The following PCDHGA7 variants were observed in gnomAD, a reference collection of about 807,000 sequenced individuals.
PCDHGA7 encodes protocadherin gamma-A7.
PCDHGA7 carries 44 observed loss-of-function variants against 58.3 expected under a neutral mutation model. The observed-to-expected ratio is 0.75, with a 90% CI of 0.59 to 0.97. PCDHGA7 has a LOEUF of 0.97. PCDHGA7 is among the 50% of genes least tolerant of loss of function. The pLI is 0.00. For missense variants in PCDHGA7, 1,266 were observed against 1,188.7 expected (o/e 1.06, Z -0.96); for synonymous variants, 516 against 504.2 (o/e 1.02, Z -0.31).
At position 141,431,262 on chromosome 5, in the gene PCDHGA7, A is replaced by G. The variant is rs371663018; in HGVS notation, c.2424+45939A>G. The stretch of plus-strand genomic sequence containing the variant: ...CCGGATATCGGGAAGAACTCTCTGC[A>G]GAGCTACGAGCTCAGCCCGAACACT... On this transcript the variant is annotated intron_variant, in intron 1 of 3. Coordinates refer to ENST00000518325, the MANE Select transcript of PCDHGA7 (RefSeq NM_018920.4). The surrounding 1 kb of genome is among the most constrained non-coding windows in gnomAD (Gnocchi z 4.8). The G allele has an allele frequency of 2.6e-5, 42 of 1,614,184 alleles. No homozygotes were observed. In the African/African-American group the frequency reaches 2.7e-4, roughly 10 times the overall value.
rs753372015 is a variant in PCDHGA7 at position 141,422,180 on chromosome 5, T to C, written c.2424+36857T>C. The stretch of plus-strand genomic sequence containing the variant: ...TTTGAAAAATATAGATTCTATGAGA[T>C]GGAAATTCAAGGCCAAGATGGTGGA... On this transcript the variant is annotated intron_variant, in intron 1 of 3. Coordinates refer to ENST00000518325, the MANE Select transcript of PCDHGA7 (RefSeq NM_018920.4). 1.1e-5 allele frequency: 17 copies of C among 1,562,190 alleles called. No homozygotes were observed. In the African/African-American group the frequency reaches 1.9e-4, roughly 18 times the overall value.
intron 1 of PCDHGA7, chr5:141,418,184 G>A: frequency 6.2e-7 from 1 of 1,614,096 alleles, no homozygotes; most frequent in Non-Finnish European, 8.5e-7. Flanking sequence ...ATTGGAAGCT[G>A]TGGTGGAAAA....
At position 141,383,826 on chromosome 5, in the gene PCDHGA7, T is replaced by C; in HGVS notation, c.927T>C (p.Tyr309=). 1 of 1,613,966 alleles carries C rather than the reference T, an allele frequency of 6.2e-7. No homozygotes were observed. The highest frequency in any genetic ancestry group is 8.5e-7 in the Non-Finnish European group (1 of 1,179,868). The change falls in exon 1 of 4, where the codon TAT becomes TAC. Residue 309 remains tyrosine, a synonymous_variant. Coordinates refer to ENST00000518325, the MANE Select transcript of PCDHGA7 (RefSeq NM_018920.4). ...TATCAACTTTAGAAGGATTAGATTA[T>C]GAAGAAACTGCCTTCTATGAAATGG... ...GEISTLEGLD[Y]EETAFYEMEV...
At chr5:141,454,428 CAG>C (rs1412897540) in intron 1 of PCDHGA7, among the ~76,000 whole-genome samples, 1 of 152,172 alleles carries the variant, frequency 6.6e-6, no homozygotes, top group Admixed American at 6.5e-5. Flanking sequence ...TATTTAGAGA[CAG>C]AGTTTCACTC....
At chr5:141,399,722 A>G in intron 1 of PCDHGA7, 4 of 1,613,264 alleles carry the variant, frequency 2.5e-6, no homozygotes, top group Non-Finnish European at 3.4e-6. Context: ...CAGGCCCGCG[A>G]CCAGGGCTCG....
chr5:141,393,056 C>T, intron 1 of PCDHGA7: 2 of 1,613,606 alleles, frequency 1.2e-6, no homozygotes, highest in Non-Finnish European at 1.7e-6. Flanking sequence ...ACCCGCGCAG[C>T]GGCAGCTTGA....
chr5:141,499,261 GT>G (rs2099790689), intron 2 of PCDHGA7, among the ~76,000 whole-genome samples: 1 of 152,022 alleles, frequency 6.6e-6, no homozygotes, highest in South Asian at 2.1e-4. Context: ...TCTCCATTTG[GT>G]CCCTAGACTG....
intron 1 of PCDHGA7, chr5:141,417,490 T>C (rs1296739869): frequency 4.7e-6 from 1 of 210,618 alleles, no homozygotes; most frequent in Non-Finnish European, 9.3e-6. Context: ...AAGGAATCAC[T>C]GAGGAAAAAG....
chr5:141,399,872 A>G (rs759178048), intron 1 of PCDHGA7: 2 of 1,612,652 alleles, frequency 1.2e-6, no homozygotes, highest in Non-Finnish European at 1.7e-6. Flanking sequence ...GAGCCCGGCT[A>G]CCTGGTGACC....
intron 1 of PCDHGA7, chr5:141,422,206 G>A (rs1269700250): frequency 6.4e-7 from 1 of 1,562,324 alleles, no homozygotes; most frequent in Non-Finnish European, 8.6e-7. Flanking sequence ...AGATGGTGGA[G>A]GTCTCTTTAC....
Position 141,511,376 on chromosome 5 carries a change from G to C in PCDHGA7, c.*203G>C. ...CCAGGGGGTTGAATATGCAAAAGCA[G>C]TTCCGCTGGGAACCCCCATCCAATC... On this transcript the variant is annotated 3_prime_UTR_variant, in exon 4 of 4. Coordinates refer to ENST00000518325, the MANE Select transcript of PCDHGA7 (RefSeq NM_018920.4). 1 of 1,211,520 alleles carries C rather than the reference G, an allele frequency of 8.3e-7. No homozygotes were observed. The allele number at this position is 1,211,520 out of a possible 1,614,324, so 75.0% of individuals were successfully genotyped here.
intron 1 of PCDHGA7, chr5:141,478,773 T>C (rs975950601): frequency 1.3e-6 from 2 of 1,496,766 alleles, no homozygotes; most frequent in African/African-American, 2.8e-5. Context: ...GACTCATCTG[T>C]GGACCTAATT....
chr5:141,383,300 T>C lies in PCDHGA7; in HGVS notation c.401T>C (p.Leu134Ser). 6.2e-7 allele frequency: 1 copy of C among 1,613,968 alleles called. No homozygotes were observed. The highest frequency in any genetic ancestry group is 8.5e-7 in the Non-Finnish European group (1 of 1,179,902). The stretch of plus-strand genomic sequence containing the variant: ...ATTAATGACAACGTTCCAAGATTCT[T>C]GACGGAAGAAATAAATGTAAAAATA... ...IDINDNVPRF[L>S]TEEINVKIME... The change falls in exon 1 of 4, where the codon TTG becomes TCG. Residue 134 changes from leucine to serine, a missense_variant. Transcript: ENST00000518325.
chr5:141,405,533 C>T (rs2094681755), intron 1 of PCDHGA7: 2 of 648,174 alleles, frequency 3.1e-6, no homozygotes. Context: ...GATTCTCCTG[C>T]CTCAGCCTCC....
chr5:141,393,724 C>T (rs959974182), intron 1 of PCDHGA7: 1 of 1,613,570 alleles, frequency 6.2e-7, no homozygotes, highest in Non-Finnish European at 8.5e-7. Context: ...ATATCAATAG[C>T]AAAAAGTCTA....
intron 2 of PCDHGA7, 88 bp from the exon 3 acceptor site, chr5:141,505,305 C>G (rs1363643214): frequency 1.0e-5 from 16 of 1,595,104 alleles, no homozygotes; most frequent in African/African-American, 2.7e-5. Flanking sequence ...GGTTAGGGTA[C>G]TAGGTTTGGG....
chr5:141,398,009 C>G (rs1589315775), intron 1 of PCDHGA7: 1 of 1,400,564 alleles, frequency 7.1e-7, no homozygotes, highest in Non-Finnish European at 9.5e-7. Context: ...GAAAAAGAAT[C>G]GTTTCCTAAA....
chr5:141,389,747 G>A (rs766506538), intron 1 of PCDHGA7: 38 of 1,612,722 alleles, frequency 2.4e-5, no homozygotes, highest in Admixed American at 2.2e-4. Context: ...GGCTGCGCAC[G>A]GGCGAAGTGC....
intron 1 of PCDHGA7, chr5:141,433,252 G>T (rs1398141147): frequency 1.4e-6 from 2 of 1,425,340 alleles, no homozygotes; most frequent in Non-Finnish European, 1.9e-6. Flanking sequence ...GGAATGCAGC[G>T]GTACGATCAT....
Sources: allele counts gnomAD v4.1 joint callset (sites outside exome capture counted in the v4.1 genomes callset), GRCh38; gene constraint gnomAD v4.1.1; non-coding constraint Gnocchi (gnomAD v3.1); transcripts MANE v1.5; gene names NCBI Gene and HGNC (gene_info 2026-07-23, HGNC 2026-07-21).